PTPRD: variants seen among roughly 807,000 people sequenced by gnomAD.
PTPRD encodes protein tyrosine phosphatase receptor type D.
PTPRD carries 34 observed loss-of-function variants against 214.5 expected under a neutral mutation model. That is an observed-to-expected ratio of 0.16 (90% CI 0.12 to 0.21). The LOEUF is 0.21. Among genes scored for constraint, PTPRD ranks in the 10% least tolerant of loss-of-function variants. The pLI is 1.00. For missense variants in PTPRD, 2,545 were observed against 2,398.7 expected, an observed-to-expected ratio of 1.06 and a Z score of -1.27; for synonymous variants, 1,128 against 845.7, an observed-to-expected ratio of 1.33 and a Z score of -5.79.
Position 8,948,953 on chromosome 9 carries a change from G to C in PTPRD, c.-104+69744C>G, listed in dbSNP as rs1039962499. ...AGTATAGTAAGATTTGTTTCTATTG[G>C]CCAGGTGTGGTGGCTCACGCCTGTA... On this transcript the variant is annotated intron_variant, in intron 11 of 45. Transcript: ENST00000381196. Among the ~76,000 whole-genome samples, 6 of 152,066 alleles carry C rather than the reference G, an allele frequency of 3.9e-5. 1 individual carries two copies. In the South Asian group the frequency reaches 8.3e-4, roughly 21 times the overall value.
chr9:10,385,588 G>T (rs1450369308), intron 2 of PTPRD, among the ~76,000 whole-genome samples: 2 of 151,640 alleles, frequency 1.3e-5, no homozygotes, highest in African/African-American at 4.8e-5. Context: ...GAATATGAAG[G>T]GCTTTTTTCT....
intron 11 of PTPRD, among the ~76,000 whole-genome samples, chr9:8,904,459 G>C (rs533543447): frequency 2.6e-5 from 4 of 152,046 alleles, no homozygotes; most frequent in Non-Finnish European, 5.9e-5. Context: ...ATCACCTAAG[G>C]TCAGGAGTTC....
Position 8,507,444 on chromosome 9 carries a change from G to C in PTPRD, c.1544-10C>G. 6.2e-7 allele frequency: 1 copy of C among 1,613,628 alleles called. No individual in the cohort carries two copies. The highest frequency in any genetic ancestry group is 8.5e-7 in the Non-Finnish European group (1 of 1,179,624). On this transcript the variant is annotated splice_polypyrimidine_tract_variant and intron_variant, in intron 21 of 45. Transcript: ENST00000381196. Reference sequence around the variant, plus strand: ...AGTGGCTGCCCTGGTACTAAAAACAGGGAGGCAATGGATTGAACTCACAAT... The same window carrying C: ...AGTGGCTGCCCTGGTACTAAAAACACGGAGGCAATGGATTGAACTCACAAT...
chr9:10,213,990 T>G (rs2154343608), intron 3 of PTPRD, among the ~76,000 whole-genome samples: 1 of 152,234 alleles, frequency 6.6e-6, no homozygotes, highest in South Asian at 2.1e-4. Flanking sequence ...TTTCAATCCC[T>G]TTAACCCCAC....
chr9:8,481,380 G>C (rs1223913004), intron 30 of PTPRD, among the ~76,000 whole-genome samples: 2 of 152,004 alleles, frequency 1.3e-5, no homozygotes, highest in Non-Finnish European at 2.9e-5. Context: ...ACCCAGGAAA[G>C]GTTGTTTTAG....
At chr9:9,327,787 G>A (rs115969608) in intron 9 of PTPRD, among the ~76,000 whole-genome samples, 1,696 of 152,054 alleles carry the variant, frequency 0.011, 34 homozygotes, top group African/African-American at 0.038. Context: ...AGCATAAAAT[G>A]TATGATAGCA....
intron 8 of PTPRD, among the ~76,000 whole-genome samples, chr9:9,572,096 C>T (rs1056524375): frequency 4.6e-5 from 7 of 151,324 alleles, no homozygotes; most frequent in African/African-American, 1.7e-4. Context: ...TTAAGAACTT[C>T]TGTTCATCAA....
chr9:8,441,270 C>T (rs933589974), intron 34 of PTPRD, among the ~76,000 whole-genome samples: 4 of 152,164 alleles, frequency 2.6e-5, no homozygotes, highest in East Asian at 1.9e-4. Flanking sequence ...TGGCAACTAA[C>T]GCTCAGTCTC....
chr9:8,542,377 A>G (rs1362236250), intron 14 of PTPRD, among the ~76,000 whole-genome samples: 1 of 152,210 alleles, frequency 6.6e-6, no homozygotes, highest in Non-Finnish European at 1.5e-5. Flanking sequence ...CCCTGTGGCA[A>G]GATAAACTTA....
At chr9:10,416,178 C>A (rs370401592) in intron 2 of PTPRD, among the ~76,000 whole-genome samples, 2 of 150,892 alleles carry the variant, frequency 1.3e-5, no homozygotes, top group Admixed American at 1.3e-4. Context: ...TGAAACCCCA[C>A]CTCTACTAAA....
chr9:9,160,963 T>A (rs926589318), intron 10 of PTPRD, among the ~76,000 whole-genome samples: 2 of 152,122 alleles, frequency 1.3e-5, no homozygotes, highest in African/African-American at 4.8e-5. Context: ...TTACGTTACT[T>A]ATATGCAGAA....
chr9:10,432,009 A>G (rs899806343), intron 2 of PTPRD, among the ~76,000 whole-genome samples: 2 of 152,016 alleles, frequency 1.3e-5, no homozygotes, highest in African/African-American at 4.8e-5. Context: ...GGCATTATTC[A>G]CAATAGCAAA....
At chr9:9,822,962 T>A (rs530003752) in intron 5 of PTPRD, among the ~76,000 whole-genome samples, 1 of 152,224 alleles carries the variant, frequency 6.6e-6, no homozygotes, top group East Asian at 1.9e-4. Context: ...AATCCCACCA[T>A]TGCATTCTTA....
chr9:9,370,944 G>T (rs10481628), intron 9 of PTPRD, among the ~76,000 whole-genome samples: 13 of 152,070 alleles, frequency 8.5e-5, no homozygotes, highest in Admixed American at 6.6e-5. Flanking sequence ...AACCAGCCTT[G>T]CATCCCAGGG....
chr9:10,144,749 A>G (rs926983703), intron 3 of PTPRD, among the ~76,000 whole-genome samples: 2 of 152,122 alleles, frequency 1.3e-5, no homozygotes, highest in Admixed American at 1.3e-4. Flanking sequence ...GGCTGCTGAA[A>G]CGATCTGTCA....
intron 11 of PTPRD, among the ~76,000 whole-genome samples, chr9:8,806,943 G>C (rs1448861366): frequency 6.6e-6 from 1 of 152,102 alleles, no homozygotes; most frequent in Non-Finnish European, 1.5e-5. Flanking sequence ...GAGTAAGTAG[G>C]ACAACTAAAA....
At chr9:8,851,650 T>C (rs2097817561) in intron 11 of PTPRD, among the ~76,000 whole-genome samples, 1 of 152,216 alleles carries the variant, frequency 6.6e-6, no homozygotes, top group African/African-American at 2.4e-5. Context: ...GTTCATTACG[T>C]GACTTCTACA....
At chr9:9,145,460 CT>C (rs71317402) in intron 10 of PTPRD, among the ~76,000 whole-genome samples, 85,970 of 151,860 alleles carry the variant, frequency 0.57, 25,248 homozygotes, top group African/African-American at 0.72. Flanking sequence ...CTATGAGATT[CT>C]TTTTTTATTA....
At chr9:10,103,153 G>C (rs1440226417) in intron 3 of PTPRD, among the ~76,000 whole-genome samples, 2 of 151,362 alleles carry the variant, frequency 1.3e-5, no homozygotes, top group African/African-American at 2.4e-5. Flanking sequence ...CAAGGAGCAC[G>C]CATCTTGGAA....
Sources: allele counts gnomAD v4.1 joint callset (sites outside exome capture counted in the v4.1 genomes callset), GRCh38; gene constraint gnomAD v4.1.1; transcripts MANE v1.5; gene names NCBI Gene and HGNC (gene_info 2026-07-23, HGNC 2026-07-21).